MACROD2: variants seen among roughly 807,000 people sequenced by gnomAD.
The protein encoded by MACROD2 is ADP-ribose glycohydrolase MACROD2.
In MACROD2, 36 loss-of-function variants were observed where a neutral mutation model predicts 70.4. That is an observed-to-expected ratio of 0.51 (90% CI 0.39 to 0.68). The LOEUF (loss-of-function observed/expected upper bound fraction) is 0.68, where lower values mean the gene tolerates loss of function less well. Ranked by LOEUF, MACROD2 falls within the 30% of genes least tolerant of loss-of-function variation. The pLI is 0.00. For synonymous variants in MACROD2, 172 were observed against 178.8 expected (o/e 0.96, Z 0.30); for missense variants, 496 against 538.4 (o/e 0.92, Z 0.78).
intron 4 of MACROD2, among the ~76,000 whole-genome samples, chr20:14,505,482 T>G (rs2084958586): frequency 6.6e-6 from 1 of 152,228 alleles, no homozygotes; most frequent in Admixed American, 6.5e-5. Flanking sequence ...CAAGATAACT[T>G]TGATAAAACA....
At chr20:14,550,574 G>A (rs1011174289) in intron 4 of MACROD2, among the ~76,000 whole-genome samples, 4 of 152,064 alleles carry the variant, frequency 2.6e-5, no homozygotes, top group African/African-American at 7.2e-5. Flanking sequence ...GAACTTAGAC[G>A]TTCCTACCAC....
At chr20:15,405,239 C>CA (rs71340224) in intron 6 of MACROD2, among the ~76,000 whole-genome samples, 22,535 of 126,780 alleles carry the variant, frequency 0.18, 2,230 homozygotes, top group Middle Eastern at 0.28. Context: ...TGTGAATATA[C>CA]AAAAAAAAAA....
At chr20:15,820,053 T>A (rs2063922459) in intron 8 of MACROD2, among the ~76,000 whole-genome samples, 1 of 152,124 alleles carries the variant, frequency 6.6e-6, no homozygotes, top group Non-Finnish European at 1.5e-5. Flanking sequence ...ATTTTTTTTT[T>A]AAGCAGCTCT....
At chr20:15,278,855 A>G (rs1456182487) in intron 6 of MACROD2, among the ~76,000 whole-genome samples, 1 of 152,226 alleles carries the variant, frequency 6.6e-6, no homozygotes, top group African/African-American at 2.4e-5. Flanking sequence ...TTTGATTCCA[A>G]AACACTTAGT....
intron 5 of MACROD2, among the ~76,000 whole-genome samples, chr20:14,889,878 G>T (rs915526470): frequency 2.6e-5 from 4 of 152,106 alleles, no homozygotes; most frequent in Non-Finnish European, 4.4e-5. Flanking sequence ...TTTAGCCAGA[G>T]TAATCTGTAT....
intron 6 of MACROD2, among the ~76,000 whole-genome samples, chr20:15,336,880 A>G (rs1489500350): frequency 6.6e-6 from 1 of 151,664 alleles, no homozygotes; most frequent in Non-Finnish European, 1.5e-5. Flanking sequence ...GTGTATGCGG[A>G]CTTGTTCTTT....
In MACROD2 at chr20:14,981,430, ATG is replaced by A. The variant is rs1568910706; in HGVS notation, c.419-248508_419-248507del. 8.3e-4 allele frequency among the ~76,000 whole-genome samples: 77 copies of A among 92,990 alleles called. 1 individual carries two copies. The South Asian group carries it at 0.027, about 33-fold the overall frequency. The allele number at this position is 92,990 out of a possible 152,430, so 61.0% of individuals were successfully genotyped here. A position where few individuals can be genotyped will look rare whatever the true frequency, so the allele number is the denominator to read the frequency against. On this transcript the variant is annotated intron_variant, in intron 5 of 17. Transcript: ENST00000684519. ...CATACGTGTGTGTGTATATATGTATATGTATATATATATATATATATATGTGT... is the reference window on the plus strand; with the variant it reads ...CATACGTGTGTGTGTATATATGTATATATATATATATATATATATATGTGT...
chr20:14,325,493 C>G, intron 3 of MACROD2: 1 of 1,508,694 alleles, frequency 6.6e-7, no homozygotes, highest in East Asian at 2.3e-5. Flanking sequence ...GAACAGGGTT[C>G]CTACCATCAC....
At chr20:15,257,664 C>T (rs1224576805) in intron 6 of MACROD2, among the ~76,000 whole-genome samples, 5 of 151,950 alleles carry the variant, frequency 3.3e-5, no homozygotes, top group African/African-American at 1.2e-4. Flanking sequence ...TGTAAGCAAA[C>T]CATTCTGTGC....
At chr20:15,909,389 T>C (rs907323537) in intron 10 of MACROD2, among the ~76,000 whole-genome samples, 2 of 152,178 alleles carry the variant, frequency 1.3e-5, no homozygotes, top group Non-Finnish European at 2.9e-5. Context: ...CCCTGCCTTT[T>C]GAAGGAGAAT....
intron 7 of MACROD2, among the ~76,000 whole-genome samples, chr20:15,460,907 A>G (rs1361908116): frequency 6.7e-6 from 1 of 149,700 alleles, no homozygotes; most frequent in African/African-American, 2.4e-5. Flanking sequence ...GTGAGGGTAG[A>G]TGTGGAGAAG....
intron 6 of MACROD2, among the ~76,000 whole-genome samples, chr20:15,367,051 G>T (rs1374368938): frequency 6.9e-6 from 1 of 145,838 alleles, no homozygotes; most frequent in African/African-American, 2.5e-5. Context: ...TTTTTGAGAG[G>T]GAGTCTCACT....
At chr20:14,601,828 A>T (rs1020823085) in intron 4 of MACROD2, among the ~76,000 whole-genome samples, 26 of 152,116 alleles carry the variant, frequency 1.7e-4, no homozygotes, top group African/African-American at 6.0e-4. Context: ...TTTCTAGCTT[A>T]TGTCAATTAA....
At position 15,259,973 on chromosome 20, in the gene MACROD2, A is replaced by G. The variant is rs566542276; in HGVS notation, c.540+29912A>G. ...ATGGAGCAAAAAGGAATGGAATGTTATCTCTCCTGAAATTTTTTTTATTTA... is the reference window on the plus strand; with the variant it reads ...ATGGAGCAAAAAGGAATGGAATGTTGTCTCTCCTGAAATTTTTTTTATTTA... On this transcript the variant is annotated intron_variant, in intron 6 of 17. Transcript: ENST00000684519. Among the ~76,000 whole-genome samples, 18 of 151,992 alleles carry G rather than the reference A, an allele frequency of 1.2e-4. No homozygotes were observed. The South Asian group carries it at 2.9e-3, about 24-fold the overall frequency.
At chr20:14,028,391 T>G (rs1307783855) in intron 2 of MACROD2, among the ~76,000 whole-genome samples, 1 of 152,138 alleles carries the variant, frequency 6.6e-6, no homozygotes, top group African/African-American at 2.4e-5. Flanking sequence ...GCTAGACCAC[T>G]TGGTTCCCTG....
chr20:15,808,223 TGA>T (rs2063787046), intron 8 of MACROD2, among the ~76,000 whole-genome samples: 1 of 152,214 alleles, frequency 6.6e-6, no homozygotes, highest in African/African-American at 2.4e-5. Context: ...ACTCGGTGTC[TGA>T]GGGGTTTTGG....
rs567617796 is a variant in MACROD2 at position 14,854,872 on chromosome 20, C to T, written c.418+169913C>T. Among the ~76,000 whole-genome samples, 25 of 152,050 alleles carry T rather than the reference C, an allele frequency of 1.6e-4. 1 individual carries two copies. In the East Asian group the frequency reaches 3.9e-3, roughly 24 times the overall value. ...TCTACTAAAATTACAGAAAATTAGCCGGGTGTGGTGGTGGACGCCTGTAGT... is the reference window on the plus strand; with the variant it reads ...TCTACTAAAATTACAGAAAATTAGCTGGGTGTGGTGGTGGACGCCTGTAGT... On this transcript the variant is annotated intron_variant, in intron 5 of 17. Coordinates refer to ENST00000684519, the MANE Select transcript of MACROD2 (RefSeq NM_001351661.2).
intron 5 of MACROD2, among the ~76,000 whole-genome samples, chr20:15,222,435 A>G (rs565380355): frequency 3.3e-5 from 5 of 152,344 alleles, no homozygotes; most frequent in South Asian, 2.1e-4. Context: ...CTGAACTTCA[A>G]GTATTCTGTT....
intron 15 of MACROD2, among the ~76,000 whole-genome samples, chr20:16,013,616 T>C (rs1320125377): frequency 6.6e-6 from 1 of 152,210 alleles, no homozygotes; most frequent in African/African-American, 2.4e-5. Context: ...CAGGTGACAG[T>C]GCTCTGACTC....
Sources: gnomAD v4.1 joint callset for allele counts (sites outside exome capture counted in the v4.1 genomes callset) on GRCh38, gnomAD v4.1.1 for gene constraint, MANE v1.5 for transcripts, NCBI Gene and HGNC (gene_info 2026-07-23, HGNC 2026-07-21) for gene names.